The following GSDMC variants were observed in gnomAD, a reference collection of about 807,000 sequenced individuals.
The protein encoded by GSDMC is gasdermin-C.
In GSDMC, 59 loss-of-function variants were observed where a neutral mutation model predicts 58.0. The observed-to-expected ratio is 1.02, with a 90% confidence interval of 0.82 to 1.26. GSDMC has a LOEUF of 1.26. Ranked by LOEUF, GSDMC falls within the 50% of genes most tolerant of loss-of-function variation. The pLI is 0.00. For missense variants in GSDMC, 659 were observed against 598.5 expected, an observed-to-expected ratio of 1.10 and a Z score of -1.06; for synonymous variants, 241 against 220.2, an observed-to-expected ratio of 1.09 and a Z score of -0.83.
the GSDMC span, among the ~76,000 whole-genome samples, chr8:129,739,909 C>T: frequency 6.6e-6 from 1 of 152,104 alleles, no homozygotes; most frequent in East Asian, 1.9e-4. Flanking sequence ...GATGACACCT[C>T]CATGCATGTT....
intron 1 of GSDMC, among the ~76,000 whole-genome samples, chr8:129,780,235 G>T (rs965253548): frequency 2.6e-5 from 4 of 152,026 alleles, no homozygotes; most frequent in Non-Finnish European, 5.9e-5. Flanking sequence ...TTATGCAAAG[G>T]GAGAACTTCC....
chr8:129,758,551 A>G lies in GSDMC; in HGVS notation c.721+1994T>C, dbSNP rs1477386810. Among the ~76,000 whole-genome samples, 3 of 152,342 alleles carry G rather than the reference A, an allele frequency of 2.0e-5. No individual in the cohort carries two copies. The East Asian group carries it at 5.8e-4, about 29-fold the overall frequency. On this transcript the variant is annotated intron_variant, in intron 6 of 13. Transcript: ENST00000276708. ...AATATAAATTCAACATACAAAAATCAGTGGCATTTCTATATGCCAACAGTG... is the reference window on the plus strand; with the variant it reads ...AATATAAATTCAACATACAAAAATCGGTGGCATTTCTATATGCCAACAGTG...
intron 1 of GSDMC, among the ~76,000 whole-genome samples, chr8:129,779,758 A>G (rs1337897322): frequency 6.6e-6 from 1 of 152,148 alleles, no homozygotes; most frequent in East Asian, 1.9e-4. Context: ...TCAGGAAAAC[A>G]TCACCTTACC....
At chr8:129,759,169 A>G (rs995763768) in intron 6 of GSDMC, among the ~76,000 whole-genome samples, 1 of 152,200 alleles carries the variant, frequency 6.6e-6, no homozygotes, top group Non-Finnish European at 1.5e-5. Context: ...ATCCAGGAGA[A>G]TAAAACTAGA....
At chr8:129,772,520 A>G (rs983939422) in intron 3 of GSDMC, among the ~76,000 whole-genome samples, 2 of 152,190 alleles carry the variant, frequency 1.3e-5, no homozygotes, top group Non-Finnish European at 2.9e-5. Flanking sequence ...ACTGGGGTAG[A>G]TAAGAGAAAT....
chr8:129,744,663 A>G (rs529565920), downstream of GSDMC, among the ~76,000 whole-genome samples: 1 of 152,358 alleles, frequency 6.6e-6, no homozygotes, highest in Non-Finnish European at 1.5e-5. Flanking sequence ...CTGCCCTCCC[A>G]TCTGTATTCC....
chr8:129,732,906 C>A, the GSDMC span, among the ~76,000 whole-genome samples: 1 of 152,196 alleles, frequency 6.6e-6, no homozygotes, highest in South Asian at 2.1e-4. Flanking sequence ...CCTTTCCTAG[C>A]CAAGGGAAGC....
intron 3 of GSDMC, among the ~76,000 whole-genome samples, chr8:129,767,468 C>A (rs957472077): frequency 5.9e-5 from 9 of 152,076 alleles, no homozygotes; most frequent in African/African-American, 2.2e-4. Flanking sequence ...TGTTACCCTG[C>A]CTCATGAAGG....
downstream of GSDMC, among the ~76,000 whole-genome samples, chr8:129,744,727 CG>C (rs558584533): frequency 7.2e-5 from 11 of 152,276 alleles, no homozygotes; most frequent in South Asian, 2.1e-3. Context: ...ACACACTAAC[CG>C]TCTTTAAGAA....
chr8:129,713,314 G>A, the GSDMC span, among the ~76,000 whole-genome samples: 2 of 152,174 alleles, frequency 1.3e-5, no homozygotes, highest in Admixed American at 6.5e-5. Flanking sequence ...GTGACTGGCC[G>A]TGGGGAGGCA....
intron 1 of GSDMC, among the ~76,000 whole-genome samples, chr8:129,780,512 A>G (rs989968196): frequency 6.6e-6 from 1 of 152,238 alleles, no homozygotes; most frequent in African/African-American, 2.4e-5. Flanking sequence ...TGAAGGGAAA[A>G]AAACTTTTAC....
the GSDMC span, among the ~76,000 whole-genome samples, chr8:129,713,361 A>G: frequency 6.6e-6 from 1 of 151,722 alleles, no homozygotes; most frequent in Non-Finnish European, 1.5e-5. Flanking sequence ...CTCAAGGAGC[A>G]AGGAAGGGAC....
rs1380608200 is a variant in GSDMC at position 129,748,372 on chromosome 8, C to T, written c.*129G>A. On this transcript the variant is annotated 3_prime_UTR_variant, in exon 14 of 14. Coordinates refer to ENST00000276708, the MANE Select transcript of GSDMC (RefSeq NM_031415.3). ...CCAAAACATTTCCTAAAGTCTCTAC[C>T]CATTACTGTCTCTACTCCACCTGGA... 1.6e-5 allele frequency: 13 copies of T among 828,362 alleles called. No homozygotes were observed. Among genetic ancestry groups the T allele is most frequent in the Non-Finnish European group, 2.4e-5 (13 of 544,438 alleles). 51.3% of individuals were successfully genotyped at this position (828,362 alleles called of 1,614,324 possible).
chr8:129,756,571 G>A (rs2033446138), intron 6 of GSDMC, among the ~76,000 whole-genome samples: 2 of 152,098 alleles, frequency 1.3e-5, no homozygotes. Flanking sequence ...GATACTTAGA[G>A]AACATTTCAT....
chr8:129,750,292 C>T (rs982094690), intron 11 of GSDMC, 139 bp downstream of exon 11: 64 of 1,072,294 alleles, frequency 6.0e-5, no homozygotes, highest in Middle Eastern at 6.3e-4. Context: ...CCATTGTGCC[C>T]GGCACCAGAG....
At chr8:129,718,129 T>G in the GSDMC span, among the ~76,000 whole-genome samples, 1 of 152,090 alleles carries the variant, frequency 6.6e-6, no homozygotes, top group East Asian at 1.9e-4. Context: ...ACTTCATGAC[T>G]AAAACACAAA....
chr8:129,785,804 C>G lies in GSDMC; in HGVS notation c.-5+207G>C, dbSNP rs549026918. On this transcript the variant is annotated intron_variant, in intron 1 of 13. Coordinates refer to ENST00000276708, the MANE Select transcript of GSDMC (RefSeq NM_031415.3). The stretch of plus-strand genomic sequence containing the variant: ...TATAAGATGCTTCTTTAAGACTGGA[C>G]CTGTGCAATAATGTATCGAAGATAT... Among the ~76,000 whole-genome samples the G allele has an allele frequency of 1.1e-4, 17 of 152,216 alleles. No individual in the cohort carries two copies. In the South Asian group the frequency reaches 3.3e-3, roughly 30 times the overall value.
chr8:129,781,547 G>A (rs542215804), intron 1 of GSDMC, among the ~76,000 whole-genome samples: 90 of 152,104 alleles, frequency 5.9e-4, no homozygotes, highest in African/African-American at 1.6e-3. Flanking sequence ...GATCGAGACC[G>A]TCCTGGCTAA....
downstream of GSDMC, among the ~76,000 whole-genome samples, chr8:129,746,078 T>G (rs1011297786): frequency 6.6e-6 from 1 of 151,628 alleles, no homozygotes; most frequent in Non-Finnish European, 1.5e-5. Flanking sequence ...TGGTGCGGGG[T>G]AGGGGAGAAG....
Sources: gnomAD v4.1 joint callset for allele counts (sites outside exome capture counted in the v4.1 genomes callset) on GRCh38, gnomAD v4.1.1 for gene constraint, MANE v1.5 for transcripts, NCBI Gene and HGNC (gene_info 2026-07-23, HGNC 2026-07-21) for gene names.